Variants in MOB3B observed in about 807,000 individuals in gnomAD.
MOB3B encodes MOB kinase activator 3B, also known as MOB kinase activator-like 2B.
A neutral mutation model predicts 18.7 loss-of-function variants in MOB3B; 7 were observed. The observed-to-expected ratio is 0.37, with a 90% CI of 0.21 to 0.70. The LOEUF (loss-of-function observed/expected upper bound fraction) is 0.70. Ranked by LOEUF, MOB3B falls within the 30% of genes least tolerant of loss-of-function variation. The pLI is 0.52. For missense variants in MOB3B, 253 were observed against 281.3 expected, an observed-to-expected ratio of 0.90 and a Z score of 0.72; for synonymous variants, 111 against 99.9, an observed-to-expected ratio of 1.11 and a Z score of -0.66.
At chr9:27,469,012 T>C (rs980518238) in intron 1 of MOB3B, among the ~76,000 whole-genome samples, 3 of 152,270 alleles carry the variant, frequency 2.0e-5, no homozygotes, top group Admixed American at 6.5e-5. Flanking sequence ...TAGAACTTTG[T>C]AAAGATCTTT....
intron 1 of MOB3B, among the ~76,000 whole-genome samples, chr9:27,498,264 G>A (rs1819930948): frequency 6.6e-6 from 1 of 152,140 alleles, no homozygotes; most frequent in South Asian, 2.1e-4. Context: ...TTAAAAATAC[G>A]TTACTACTTT....
At chr9:27,445,584 C>T (rs1210026337) in intron 2 of MOB3B, among the ~76,000 whole-genome samples, 1 of 152,094 alleles carries the variant, frequency 6.6e-6, no homozygotes, top group African/African-American at 2.4e-5. Context: ...TTTTTCTTTT[C>T]CACTTTGAGA....
At chr9:27,478,810 GACACACACACACACACAC>G (rs34976107) in intron 1 of MOB3B, among the ~76,000 whole-genome samples, 9 of 141,308 alleles carry the variant, frequency 6.4e-5, no homozygotes, top group African/African-American at 1.1e-4. Flanking sequence ...GGATTAAAAA[GACACACACACACACACAC>G]ACACACACAC....
chr9:27,370,587 C>G (rs1324450590), intron 2 of MOB3B, among the ~76,000 whole-genome samples: 1 of 151,366 alleles, frequency 6.6e-6, no homozygotes, highest in Non-Finnish European at 1.5e-5. Context: ...ATCTGTGAAA[C>G]AGGAAGCAAG....
chr9:27,504,988 G>C (rs753298733), intron 1 of MOB3B, among the ~76,000 whole-genome samples: 19 of 152,192 alleles, frequency 1.2e-4, no homozygotes, highest in South Asian at 2.1e-4. Flanking sequence ...ACTCTCGCTT[G>C]CCTGCCTCCT....
At chr9:27,472,315 G>T (rs1041192380) in intron 1 of MOB3B, among the ~76,000 whole-genome samples, 2 of 151,550 alleles carry the variant, frequency 1.3e-5, no homozygotes, top group Non-Finnish European at 2.9e-5. Context: ...GTCTCCAAAG[G>T]CCTCAGGAAC....
chr9:27,340,567 G>GC (rs1820924469), intron 3 of MOB3B, among the ~76,000 whole-genome samples: 1 of 152,026 alleles, frequency 6.6e-6, no homozygotes, highest in African/African-American at 2.4e-5. Flanking sequence ...CCTCCCTAGA[G>GC]CCCCGCAGCC....
chr9:27,420,168 T>C (rs975907674), intron 2 of MOB3B, among the ~76,000 whole-genome samples: 2 of 152,110 alleles, frequency 1.3e-5, no homozygotes, highest in Non-Finnish European at 2.9e-5. Context: ...GATTTTGGCA[T>C]GGATGCAGTG....
intron 2 of MOB3B, among the ~76,000 whole-genome samples, chr9:27,435,424 G>C (rs1587211294): frequency 1.3e-5 from 2 of 152,164 alleles, no homozygotes; most frequent in South Asian, 4.2e-4. Flanking sequence ...ATGAAAGGTA[G>C]AGTAGAGAGA....
rs1819975072 is a variant in MOB3B at position 27,500,563 on chromosome 9, G to T, written c.-199+28992C>A. ...TAGCCGTATGTAGAAAGCTGAAACT[G>T]GATCCCTTCCTTACACCTTATACAA... On this transcript the variant is annotated intron_variant, in intron 1 of 3. Coordinates refer to ENST00000262244, the MANE Select transcript of MOB3B (RefSeq NM_024761.5). Among the ~76,000 whole-genome samples the T allele has an allele frequency of 2.6e-5, 4 of 152,150 alleles. No individual in the cohort carries two copies. The South Asian group carries it at 8.3e-4, about 32-fold the overall frequency.
chr9:27,477,828 C>T (rs1427164493), intron 1 of MOB3B, among the ~76,000 whole-genome samples: 1 of 152,182 alleles, frequency 6.6e-6, no homozygotes, highest in African/African-American at 2.4e-5. Flanking sequence ...GATACAGCTG[C>T]TTAGGGGTTT....
intron 2 of MOB3B, among the ~76,000 whole-genome samples, chr9:27,427,992 C>T (rs1261082640): frequency 2.0e-5 from 3 of 152,256 alleles, no homozygotes; most frequent in Non-Finnish European, 2.9e-5. Context: ...TTTCACTGAG[C>T]GGTGACCAAC....
At chr9:27,418,123 C>T (rs1473237240) in intron 2 of MOB3B, among the ~76,000 whole-genome samples, 1 of 106,388 alleles carries the variant, frequency 9.4e-6, no homozygotes, top group Non-Finnish European at 2.2e-5. Flanking sequence ...GTAATACAAC[C>T]CTCTTAGCTT....
chr9:27,470,064 A>G (rs1413177513), intron 1 of MOB3B, among the ~76,000 whole-genome samples: 2 of 148,296 alleles, frequency 1.3e-5, no homozygotes, highest in African/African-American at 4.9e-5. Context: ...AACTATAATC[A>G]TGTCACTGCA....
intron 2 of MOB3B, among the ~76,000 whole-genome samples, chr9:27,440,218 G>C (rs562298784): frequency 6.6e-6 from 1 of 152,308 alleles, no homozygotes; most frequent in South Asian, 2.1e-4. Context: ...GCAGGTTGAA[G>C]CAATGTGGCC....
chr9:27,417,440 G>A (rs1303551980), intron 2 of MOB3B, among the ~76,000 whole-genome samples: 1 of 152,004 alleles, frequency 6.6e-6, no homozygotes, highest in East Asian at 1.9e-4. Context: ...ACATGAGAGG[G>A]AAAGAAAAAG....
Position 27,455,705 on chromosome 9 carries a change from C to A in MOB3B, c.-155G>T. 2 of 1,478,352 alleles carry A rather than the reference C, an allele frequency of 1.4e-6. No homozygotes were observed. The highest frequency in any genetic ancestry group is 8.9e-7 in the Non-Finnish European group (1 of 1,124,680). The allele number at this position is 1,478,352 out of a possible 1,614,324, so 91.6% of individuals were successfully genotyped here. A position where few individuals can be genotyped will look rare whatever the true frequency, so the allele number is the denominator to read the frequency against. On this transcript the variant is annotated 5_prime_UTR_variant, in exon 2 of 4. The change abolishes an upstream ATG in the 5' untranslated region. Coordinates refer to ENST00000262244, the MANE Select transcript of MOB3B (RefSeq NM_024761.5). ...TTAAGCTCTTCTAAACAGCCCCTTC[C>A]ATCTTCCTCTTGAATGATTTCCAAG...
chr9:27,331,732 CT>C (rs953246662), intron 3 of MOB3B, among the ~76,000 whole-genome samples: 6 of 152,188 alleles, frequency 3.9e-5, no homozygotes, highest in African/African-American at 1.4e-4. Context: ...GATGAACGAT[CT>C]TCCAAGTTCT....
At chr9:27,360,719 G>A (rs534699481) in intron 2 of MOB3B, among the ~76,000 whole-genome samples, 4 of 152,312 alleles carry the variant, frequency 2.6e-5, no homozygotes, top group African/African-American at 9.6e-5. Flanking sequence ...TGGGACCCCA[G>A]GGCAGGATGA....
Sources: gnomAD v4.1 joint callset for allele counts (sites outside exome capture counted in the v4.1 genomes callset) on GRCh38, gnomAD v4.1.1 for gene constraint, MANE v1.5 for transcripts, NCBI Gene and HGNC (gene_info 2026-07-23, HGNC 2026-07-21) for gene names.